MMP24: variants seen among roughly 807,000 people sequenced by gnomAD.
The protein encoded by MMP24 is matrix metalloproteinase-24.
Under a neutral mutation model 62.8 loss-of-function variants are expected in MMP24, and 25 were observed. The ratio of observed to expected loss-of-function variants is 0.40; its 90% CI spans 0.29 to 0.56. MMP24 has a LOEUF of 0.56. Ranked by LOEUF, MMP24 falls within the 20% of genes least tolerant of loss-of-function variation. The probability of loss-of-function intolerance (pLI) is 0.50; values close to 1 mark genes in which losing one functional copy is unlikely to be tolerated. For synonymous variants in MMP24, 319 were observed against 350.5 expected (o/e 0.91, Z 1.00); for missense variants, 634 against 853.6 (o/e 0.74, Z 3.21).
intron 1 of MMP24, among the ~76,000 whole-genome samples, chr20:35,235,715 T>A (rs922324157): frequency 3.9e-5 from 6 of 152,110 alleles, no homozygotes; most frequent in Admixed American, 6.6e-5. Flanking sequence ...AAATTTTTTT[T>A]AATTTAAATT....
intron 2 of MMP24, among the ~76,000 whole-genome samples, chr20:35,250,258 T>C (rs2060538132): frequency 6.6e-6 from 1 of 152,132 alleles, no homozygotes; most frequent in South Asian, 2.1e-4. Flanking sequence ...TGGCCAAGAA[T>C]TAAACATTTT....
intron 1 of MMP24, among the ~76,000 whole-genome samples, chr20:35,234,680 G>A (rs190490910): frequency 6.5e-4 from 99 of 152,300 alleles, no homozygotes; most frequent in African/African-American, 2.4e-3. Flanking sequence ...AACACAATTA[G>A]GTCAGTATAG....
At chr20:35,241,508 C>T (rs1318870073) in intron 1 of MMP24, among the ~76,000 whole-genome samples, 2 of 151,628 alleles carry the variant, frequency 1.3e-5, no homozygotes, top group Non-Finnish European at 2.9e-5. Context: ...TACTGGCCCA[C>T]CCCCACCATG....
In MMP24 at chr20:35,246,759, C is replaced by T. The variant is rs143654787; in HGVS notation, c.247-81C>T. 1.2e-5 allele frequency: 18 copies of T among 1,514,550 alleles called. No homozygotes were observed. The East Asian group carries it at 2.7e-4, about 23-fold the overall frequency. The allele number at this position is 1,514,550 out of a possible 1,614,324, so 93.8% of individuals were successfully genotyped here. Reference sequence around the variant, plus strand: ...GAGTCACTGGGGTCAAATGATCCCTCGTGTTCAAGGCACATCTCTGCCCAG... The same window carrying T: ...GAGTCACTGGGGTCAAATGATCCCTTGTGTTCAAGGCACATCTCTGCCCAG... On this transcript the variant is annotated intron_variant, in intron 1 of 8. Coordinates refer to ENST00000246186, the MANE Select transcript of MMP24 (RefSeq NM_006690.4).
chr20:35,264,109 C>G, intron 5 of MMP24, 157 bp downstream of exon 5: 1 of 859,718 alleles, frequency 1.2e-6, no homozygotes, highest in Non-Finnish European at 1.7e-6. Context: ...AATGGCTTTG[C>G]CTGGCCAGAG....
At chr20:35,240,195 C>A (rs189897514) in intron 1 of MMP24, among the ~76,000 whole-genome samples, 170 of 152,302 alleles carry the variant, frequency 1.1e-3, no homozygotes, top group African/African-American at 4.1e-3. Flanking sequence ...CTCTTCTGTG[C>A]ACATTTTGTT....
At chr20:35,263,605 C>A in intron 4 of MMP24, 186 bp from the exon 5 acceptor site, 1 of 456,398 alleles carries the variant, frequency 2.2e-6, no homozygotes, top group Non-Finnish European at 3.8e-6. Context: ...CTCTCTCTCT[C>A]CTTGTCCCTG....
intron 7 of MMP24, among the ~76,000 whole-genome samples, chr20:35,270,777 C>T (rs1021597040): frequency 2.6e-5 from 4 of 152,214 alleles, no homozygotes; most frequent in Admixed American, 6.5e-5. Flanking sequence ...CAGTGGCTCA[C>T]GCCCGAAATC....
At chr20:35,246,749 A>T in intron 1 of MMP24, 91 bp from the exon 2 acceptor site, 2 of 1,464,364 alleles carry the variant, frequency 1.4e-6, no homozygotes, top group Non-Finnish European at 1.9e-6. Flanking sequence ...ACTGGGGTCA[A>T]ATGATCCCTC....
intron 1 of MMP24, among the ~76,000 whole-genome samples, chr20:35,244,506 T>C (rs1481823802): frequency 6.6e-6 from 1 of 152,170 alleles, no homozygotes; most frequent in African/African-American, 2.4e-5. Flanking sequence ...AATGGCGTGA[T>C]CTCAGCTCAC....
Position 35,269,905 on chromosome 20 carries a change from T to C in MMP24, c.1333+7T>C, listed in dbSNP as rs1231488195. On this transcript the variant is annotated splice_region_variant and intron_variant, in intron 7 of 8. Transcript: ENST00000246186. This position sits in a 1 kb window ranked among gnomAD's most constrained non-coding sequence, Gnocchi z 4.6. ...AGATTTGTCTTCTTCAAAGGTAATG[T>C]AGACTGTGCTGTGGGACAGTTCCCT... is the stretch of plus-strand genomic sequence containing the variant. 8.4e-6 allele frequency: 13 copies of C among 1,551,810 alleles called. No individual in the cohort carries two copies. Among genetic ancestry groups the C allele is most frequent in the Non-Finnish European group, 1.1e-5 (13 of 1,147,010 alleles).
At chr20:35,227,042 G>A in intron 1 of MMP24, 58 bp downstream of exon 1, 3 of 975,774 alleles carry the variant, frequency 3.1e-6, no homozygotes, top group African/African-American at 1.8e-5. Context: ...AGGGCGGGGG[G>A]CGGCACCGGG....
intron 1 of MMP24, among the ~76,000 whole-genome samples, chr20:35,243,240 G>A (rs2060497824): frequency 6.6e-6 from 1 of 151,858 alleles, no homozygotes; most frequent in Non-Finnish European, 1.5e-5. Context: ...CCAGGCAATT[G>A]CACATGCTGT....
At chr20:35,252,575 C>T (rs769058828) in intron 3 of MMP24, among the ~76,000 whole-genome samples, 4 of 152,232 alleles carry the variant, frequency 2.6e-5, no homozygotes, top group Admixed American at 6.5e-5. Context: ...AGATTCCCAA[C>T]GCAGAGTTCC....
Position 35,274,230 on chromosome 20 carries a change from G to T in MMP24, c.1601-42G>T. On this transcript the variant is annotated intron_variant, in intron 8 of 8. Coordinates refer to ENST00000246186, the MANE Select transcript of MMP24 (RefSeq NM_006690.4). This position sits in a 1 kb window ranked among gnomAD's most constrained non-coding sequence, Gnocchi z 5.1. ...TTCACACTGCCCCAGAGCAGGTGCC[G>T]GAAGTGTCTGGGAGTGGTGATGCTG... 1 of 1,544,270 alleles carries T rather than the reference G, an allele frequency of 6.5e-7. No homozygotes were observed. The highest frequency in any genetic ancestry group is 8.8e-7 in the Non-Finnish European group (1 of 1,140,292).
chr20:35,262,695 G>C (rs984112962), intron 4 of MMP24: 2 of 145,836 alleles, frequency 1.4e-5, no homozygotes, highest in Non-Finnish European at 3.0e-5. Context: ...CTGGGGGACA[G>C]TCAGGTCTTT....
In MMP24 at chr20:35,274,384, G is replaced by C. The variant is rs2060691243; in HGVS notation, c.1713G>C (p.Gln571His). The change falls in exon 9 of 9, where the codon CAG becomes CAC. Residue 571 changes from glutamine (Q) to histidine (H), a missense_variant. Gln to His is a conservative substitution (Grantham distance 24). Coordinates refer to ENST00000246186, the MANE Select transcript of MMP24 (RefSeq NM_006690.4). This position sits in a 1 kb window ranked among gnomAD's most constrained non-coding sequence, Gnocchi z 5.1. ...NILRDWMGCN[Q>H]KEVERRKERR... ...TGCGTGACTGGATGGGCTGCAACCA[G>C]AAGGAGGTGGAGCGGCGGAAGGAGC... 5 of 1,613,878 alleles carry C rather than the reference G, an allele frequency of 3.1e-6. No individual in the cohort carries two copies. The highest frequency in any genetic ancestry group is 4.2e-6 in the Non-Finnish European group (5 of 1,179,902).
intron 2 of MMP24, 87 bp downstream of exon 2, chr20:35,247,075 C>G (rs1253102468): frequency 3.5e-6 from 5 of 1,443,600 alleles, no homozygotes; most frequent in Non-Finnish European, 4.8e-6. Flanking sequence ...ACACCCCATG[C>G]CCATCCTCCC....
intron 4 of MMP24, chr20:35,262,695 G>A (rs984112962): frequency 2.1e-5 from 3 of 145,836 alleles, no homozygotes; most frequent in Admixed American, 1.3e-4. Flanking sequence ...CTGGGGGACA[G>A]TCAGGTCTTT....
Sources: allele counts gnomAD v4.1 joint callset (sites outside exome capture counted in the v4.1 genomes callset), GRCh38; gene constraint gnomAD v4.1.1; non-coding constraint Gnocchi (gnomAD v3.1); transcripts MANE v1.5; gene names NCBI Gene and HGNC (gene_info 2026-07-23, HGNC 2026-07-21).